Variants in TBC1D5 observed in about 807,000 individuals in gnomAD.
TBC1D5 encodes TBC1 domain family member 5, also known as TBC1 domain family, member 5.
Under a neutral mutation model 100.3 loss-of-function variants are expected in TBC1D5, and 75 were observed. The observed-to-expected ratio is 0.75, with a 90% confidence interval of 0.62 to 0.91. The LOEUF is 0.91. Ranked by LOEUF, TBC1D5 falls within the 40% of genes least tolerant of loss-of-function variation. TBC1D5 has a pLI of 0.00. For synonymous variants in TBC1D5, 323 were observed against 325.6 expected (o/e 0.99, Z 0.09); for missense variants, 910 against 942.4 (o/e 0.97, Z 0.45).
At chr3:17,162,584 G>A (rs961059854) in intron 21 of TBC1D5, among the ~76,000 whole-genome samples, 5 of 152,150 alleles carry the variant, frequency 3.3e-5, no homozygotes, top group African/African-American at 9.7e-5. Flanking sequence ...AGGTTCTAAA[G>A]CTGTTGTTAA....
At chr3:17,690,964 C>T (rs2071070308) in intron 1 of TBC1D5, among the ~76,000 whole-genome samples, 1 of 152,094 alleles carries the variant, frequency 6.6e-6, no homozygotes, top group African/African-American at 2.4e-5. Context: ...GAAAAAAAAT[C>T]TGTTTAAGGG....
In TBC1D5 at chr3:17,477,742, C is replaced by T. The variant is rs2095455382; in HGVS notation, c.97+30732G>A. On this transcript the variant is annotated intron_variant, in intron 3 of 21. Transcript: ENST00000253692. ...TATAACCTAGAAAGCAATGTGTATACACATTACCCATAATAAATGTTTACT... is the reference window on the plus strand; with the variant it reads ...TATAACCTAGAAAGCAATGTGTATATACATTACCCATAATAAATGTTTACT... Among the ~76,000 whole-genome samples the T allele has an allele frequency of 2.0e-5, 3 of 151,928 alleles. No homozygotes were observed. The South Asian group carries it at 6.2e-4, about 31-fold the overall frequency.
intron 2 of TBC1D5, among the ~76,000 whole-genome samples, chr3:17,544,439 T>A (rs560287240): frequency 1.5e-4 from 23 of 151,914 alleles, no homozygotes; most frequent in Middle Eastern, 3.4e-3. Context: ...GATCACGAGG[T>A]CAGGGGTTTG....
At chr3:17,598,799 T>A (rs1375188608) in intron 2 of TBC1D5, among the ~76,000 whole-genome samples, 1 of 152,236 alleles carries the variant, frequency 6.6e-6, no homozygotes, top group Non-Finnish European at 1.5e-5. Context: ...ATATATCTTT[T>A]CTGCTTTTGG....
chr3:17,611,123 C>A (rs893811308), intron 2 of TBC1D5, among the ~76,000 whole-genome samples: 1 of 152,024 alleles, frequency 6.6e-6, no homozygotes, highest in Non-Finnish European at 1.5e-5. Flanking sequence ...AAAGAAAAAT[C>A]AAAAATGAAT....
intron 2 of TBC1D5, among the ~76,000 whole-genome samples, chr3:17,590,954 A>G (rs747546998): frequency 1.3e-5 from 2 of 151,924 alleles, no homozygotes; most frequent in African/African-American, 2.4e-5. Context: ...AAAACAGAGA[A>G]TCGGGCCAGG....
intron 1 of TBC1D5, among the ~76,000 whole-genome samples, chr3:17,691,172 C>T (rs2071095482): frequency 1.3e-5 from 2 of 152,118 alleles, no homozygotes; most frequent in African/African-American, 4.8e-5. Flanking sequence ...AAAGTTGGTG[C>T]TCTCAAGGGG....
intron 15 of TBC1D5, among the ~76,000 whole-genome samples, 167 bp from the exon 16 acceptor site, chr3:17,258,758 C>T (rs1013878527): frequency 1.3e-5 from 2 of 152,176 alleles, no homozygotes; most frequent in African/African-American, 2.4e-5. Context: ...TTCCTTACTT[C>T]TGATTAAACA....
At chr3:17,695,293 C>T (rs1037563442) in intron 1 of TBC1D5, among the ~76,000 whole-genome samples, 2 of 152,216 alleles carry the variant, frequency 1.3e-5, no homozygotes, top group East Asian at 1.9e-4. Context: ...TTAAAAGACG[C>T]GGACTGGCAA....
intron 1 of TBC1D5, among the ~76,000 whole-genome samples, chr3:17,637,577 A>G (rs1172150585): frequency 6.6e-6 from 1 of 152,072 alleles, no homozygotes; most frequent in Non-Finnish European, 1.5e-5. Flanking sequence ...ACACACTAAT[A>G]CAAAGATCAT....
At chr3:17,532,752 C>T (rs1012252721) in intron 2 of TBC1D5, among the ~76,000 whole-genome samples, 2 of 150,048 alleles carry the variant, frequency 1.3e-5, no homozygotes, top group African/African-American at 2.5e-5. Context: ...AACCAAACAC[C>T]GCATGTTCTC....
Position 17,631,738 on chromosome 3 carries a change from T to C in TBC1D5, c.-100-7825A>G, listed in dbSNP as rs1283720816. Among the ~76,000 whole-genome samples, 3 of 152,310 alleles carry C rather than the reference T, an allele frequency of 2.0e-5. 1 individual carries two copies. The highest frequency in any genetic ancestry group is 4.1e-4 in the South Asian group (2 of 4,822). On this transcript the variant is annotated intron_variant, in intron 1 of 21. Transcript: ENST00000253692. ...TGTGCTCTAGAAAAGGAACAACAAA[T>C]GCCTGGATGACAGCACATCTGTTTG...
At chr3:17,429,677 T>A (rs2094412393) in intron 3 of TBC1D5, among the ~76,000 whole-genome samples, 1 of 151,912 alleles carries the variant, frequency 6.6e-6, no homozygotes. Flanking sequence ...GTATCTAAGG[T>A]ACTATACTTA....
At chr3:17,406,497 T>A (rs777317017) in exon 5 of TBC1D5, 4 of 1,612,122 alleles carry the variant, frequency 2.5e-6, no homozygotes, top group Non-Finnish European at 3.4e-6. Flanking sequence ...CAAGTAATTG[T>A]TGTTTACAAA....
At chr3:17,277,559 T>C (rs983172451) in intron 15 of TBC1D5, among the ~76,000 whole-genome samples, 2 of 152,202 alleles carry the variant, frequency 1.3e-5, no homozygotes, top group African/African-American at 2.4e-5. Context: ...ATTCCAACCA[T>C]GAATGAGTGA....
chr3:17,525,151 C>CAA (rs2096116587), intron 2 of TBC1D5, among the ~76,000 whole-genome samples: 1 of 151,712 alleles, frequency 6.6e-6, no homozygotes, highest in African/African-American at 2.4e-5. Flanking sequence ...TTTTTTGAGA[C>CAA]AGAGTTTCAC....
intron 1 of TBC1D5, among the ~76,000 whole-genome samples, chr3:17,633,322 C>T (rs1166740561): frequency 6.6e-6 from 1 of 151,922 alleles, no homozygotes; most frequent in Admixed American, 6.6e-5. Context: ...CCTATAAATC[C>T]CAGCTACCTG....
intron 17 of TBC1D5, among the ~76,000 whole-genome samples, chr3:17,216,328 C>G (rs1451594340): frequency 6.6e-6 from 1 of 152,064 alleles, no homozygotes; most frequent in Non-Finnish European, 1.5e-5. Flanking sequence ...ATACAGGACT[C>G]CTTTAATAGG....
chr3:17,403,960 A>G (rs1299027427), intron 7 of TBC1D5, among the ~76,000 whole-genome samples: 6 of 152,114 alleles, frequency 3.9e-5, no homozygotes, highest in Admixed American at 2.0e-4. Context: ...ATGCACTAAG[A>G]AAGACGGGTT....
Sources: gnomAD v4.1 joint callset for allele counts (sites outside exome capture counted in the v4.1 genomes callset) on GRCh38, gnomAD v4.1.1 for gene constraint, MANE v1.5 for transcripts, NCBI Gene and HGNC (gene_info 2026-07-23, HGNC 2026-07-21) for gene names.